Variants in ACTN1 observed in about 807,000 individuals in gnomAD.
The protein encoded by ACTN1 is alpha-actinin-1.
In ACTN1, 30 loss-of-function variants were observed where a neutral mutation model predicts 119.6. That is an observed-to-expected ratio of 0.25 (90% CI 0.19 to 0.34). The LOEUF (loss-of-function observed/expected upper bound fraction) is 0.34, where lower values mean the gene tolerates loss of function less well. ACTN1 is among the 10% of genes least tolerant of loss of function. The pLI is 1.00. For synonymous variants in ACTN1, 429 were observed against 472.6 expected (o/e 0.91, Z 1.20); for missense variants, 764 against 1,223.4 (o/e 0.62, Z 5.60).
Position 68,879,091 on chromosome 14 carries a change from CA to C in ACTN1, c.2281-23del, listed in dbSNP as rs1256282721. The C allele has an allele frequency of 6.3e-7, 1 of 1,581,384 alleles. No homozygotes were observed. The highest frequency in any genetic ancestry group is 8.6e-7 in the Non-Finnish European group (1 of 1,161,304). The stretch of plus-strand genomic sequence containing the variant: ...GATCCTGGGGCCGCGGTGCGCCAGG[CA>C]GCGAGCCATGCGGTGTCAGGGAGGT... On this transcript the variant is annotated intron_variant, in intron 18 of 21. Transcript: ENST00000394419. The surrounding 1 kb of genome is among the most constrained non-coding windows in gnomAD (Gnocchi z 4.9).
intron 1 of ACTN1, among the ~76,000 whole-genome samples, chr14:68,972,858 A>G (rs908129253): frequency 6.6e-6 from 1 of 152,222 alleles, no homozygotes; most frequent in African/African-American, 2.4e-5. Flanking sequence ...ACAGGGTTAG[A>G]TGTGCTCATG....
At chr14:68,904,789 C>T in intron 6 of ACTN1, 53 bp from the exon 7 acceptor site, 5 of 1,516,006 alleles carry the variant, frequency 3.3e-6, no homozygotes, top group Non-Finnish European at 4.6e-6. Flanking sequence ...CCACAAGTCA[C>T]TGGCTACTCC....
chr14:68,942,861 G>A (rs1406230297), intron 1 of ACTN1, among the ~76,000 whole-genome samples: 2 of 152,112 alleles, frequency 1.3e-5, no homozygotes, highest in Admixed American at 6.5e-5. Flanking sequence ...AGCAGCTGGG[G>A]ACAATCTGCA....
At chr14:68,939,598 C>T (rs1276907988) in intron 1 of ACTN1, among the ~76,000 whole-genome samples, 1 of 152,076 alleles carries the variant, frequency 6.6e-6, no homozygotes, top group South Asian at 2.1e-4. Flanking sequence ...AGACCGAAAG[C>T]GGCTTGATTA....
Position 68,885,711 on chromosome 14 carries a change from G to A in ACTN1, c.1235-136C>T, listed in dbSNP as rs1319347697. On this transcript the variant is annotated intron_variant, in intron 11 of 21. Transcript: ENST00000394419. The surrounding 1 kb of genome is among the most constrained non-coding windows in gnomAD (Gnocchi z 5.6). The stretch of plus-strand genomic sequence containing the variant: ...GGAGGTGCCCATTGTGCAGGGATCT[G>A]CAGGGTGCAAAAGCAGATGTGCAAC... 26 of 1,059,800 alleles carry A rather than the reference G, an allele frequency of 2.5e-5. No homozygotes were observed. Among genetic ancestry groups the A allele is most frequent in the African/African-American group, 3.2e-5 (2 of 62,624 alleles). 65.6% of individuals were successfully genotyped at this position (1,059,800 alleles called of 1,614,324 possible). A position where few individuals can be genotyped will look rare whatever the true frequency, so the allele number is the denominator to read the frequency against.
At chr14:68,942,358 G>T (rs2035789769) in intron 1 of ACTN1, among the ~76,000 whole-genome samples, 1 of 143,360 alleles carries the variant, frequency 7.0e-6, no homozygotes, top group South Asian at 2.3e-4. Context: ...TCCAACCTGG[G>T]AGACAGTGAG....
intron 8 of ACTN1, among the ~76,000 whole-genome samples, chr14:68,901,212 T>G (rs1201388785): frequency 9.8e-5 from 14 of 143,388 alleles, no homozygotes; most frequent in Non-Finnish European, 1.9e-4. Flanking sequence ...TTATGGTTTT[T>G]TTTTGTTTTT....
intron 1 of ACTN1, among the ~76,000 whole-genome samples, chr14:68,949,324 G>A (rs910782013): frequency 2.0e-5 from 3 of 152,220 alleles, no homozygotes; most frequent in Non-Finnish European, 4.4e-5. Flanking sequence ...GAGGTCAGGA[G>A]GAAGGAAGGG....
At chr14:68,934,984 G>A (rs1378645122) in intron 1 of ACTN1, among the ~76,000 whole-genome samples, 1 of 152,088 alleles carries the variant, frequency 6.6e-6, no homozygotes, top group Non-Finnish European at 1.5e-5. Context: ...ATTTTTTGCT[G>A]TTTTACAGTT....
chr14:68,917,806 C>T (rs2034392090), intron 3 of ACTN1, among the ~76,000 whole-genome samples: 1 of 152,258 alleles, frequency 6.6e-6, no homozygotes, highest in South Asian at 2.1e-4. Flanking sequence ...TGGCTTGCGC[C>T]TGTAATCCCA....
At chr14:68,911,287 A>G (rs978470925) in intron 4 of ACTN1, among the ~76,000 whole-genome samples, 3 of 152,220 alleles carry the variant, frequency 2.0e-5, no homozygotes, top group Non-Finnish European at 4.4e-5. Flanking sequence ...AGTCCACCCA[A>G]AAGAATCAAA....
chr14:68,921,274 AG>A (rs1201179447), intron 2 of ACTN1, 149 bp from the exon 3 acceptor site: 11 of 930,380 alleles, frequency 1.2e-5, no homozygotes, highest in South Asian at 2.2e-5. Context: ...CACGCTGCTC[AG>A]GGGCTGGAGA....
intron 8 of ACTN1, among the ~76,000 whole-genome samples, chr14:68,898,599 CCTT>C (rs1194828426): frequency 1.3e-5 from 2 of 152,148 alleles, no homozygotes; most frequent in African/African-American, 2.4e-5. Context: ...CAGCAAGAGT[CCTT>C]CTCCTCCATC....
Position 68,878,503 on chromosome 14 carries a change from G to A in ACTN1, c.2382C>T (p.Asp794=). 1 of 1,593,546 alleles carries A rather than the reference G, an allele frequency of 6.3e-7. No homozygotes were observed. The highest frequency in any genetic ancestry group is 8.6e-7 in the Non-Finnish European group (1 of 1,168,390). ...TCAGGCAGGCGCGGAAATCATCCGT[G>A]TCCATCATGCCTGTCTTCTTCTGTG... is the stretch of plus-strand genomic sequence containing the variant. The part of the protein sequence containing the change: ...NDPQKKTGMM[D]TDDFRACLIS... Residue 794 remains aspartate (D), a synonymous_variant, in exon 20 of 22, where the codon GAC becomes GAT. Coordinates refer to ENST00000394419, the MANE Select transcript of ACTN1 (RefSeq NM_001130004.2). This position sits in a 1 kb window ranked among gnomAD's most constrained non-coding sequence, Gnocchi z 4.4.
At position 68,878,350 on chromosome 14, in the gene ACTN1, G is replaced by A; in HGVS notation, c.2427+108C>T. The A allele has an allele frequency of 6.9e-7, 1 of 1,440,728 alleles. No individual in the cohort carries two copies. The highest frequency in any genetic ancestry group is 9.2e-7 in the Non-Finnish European group (1 of 1,087,998). The allele number at this position is 1,440,728 out of a possible 1,614,324, so 89.2% of individuals were successfully genotyped here. On this transcript the variant is annotated intron_variant, in intron 20 of 21. Transcript: ENST00000394419. This position sits in a 1 kb window ranked among gnomAD's most constrained non-coding sequence, Gnocchi z 4.4. ...TGGGCCCTGGGGCTCCTCCAGGGAGGGCAGCCCCTAGCCTGAGGGCCTCCA... is the reference window on the plus strand; with the variant it reads ...TGGGCCCTGGGGCTCCTCCAGGGAGAGCAGCCCCTAGCCTGAGGGCCTCCA...
intron 11 of ACTN1, chr14:68,887,775 G>A (rs573873070): frequency 1.0e-5 from 11 of 1,082,594 alleles, no homozygotes; most frequent in South Asian, 5.0e-5. Context: ...ATAAGACATG[G>A]TATATGGTAT....
Position 68,885,300 on chromosome 14 carries a change from C to A in ACTN1, c.1385+125G>T, listed in dbSNP as rs975756680. On this transcript the variant is annotated intron_variant, in intron 12 of 21. Coordinates refer to ENST00000394419, the MANE Select transcript of ACTN1 (RefSeq NM_001130004.2). The surrounding 1 kb of genome is among the most constrained non-coding windows in gnomAD (Gnocchi z 5.6). ...TTGTCTCCTGCGTTGACTCCCTCCC[C>A]ACCTGGGCACCCACCTGTACCCACC... 1.1e-5 allele frequency: 14 copies of A among 1,287,012 alleles called. No homozygotes were observed. The African/African-American group carries it at 1.3e-4, about 12-fold the overall frequency. 79.7% of individuals were successfully genotyped at this position (1,287,012 alleles called of 1,614,324 possible). A position where few individuals can be genotyped will look rare whatever the true frequency, so the allele number is the denominator to read the frequency against.
rs1481045493 is a variant in ACTN1 at position 68,880,929 on chromosome 14, G to A, written c.2014C>T (p.Arg672Trp). 9 of 1,613,924 alleles carry A rather than the reference G, an allele frequency of 5.6e-6. No individual in the cohort carries two copies. Among genetic ancestry groups the A allele is most frequent in the Admixed American group, 3.3e-5 (2 of 60,006 alleles). ...TTGACGATGCTCTTCTCATACTGCC[G>A]CAGGTGGCTGAGCTGGTCCTCCAGG... ...GTLEDQLSHL[R>W]QYEKSIVNYK... Residue 672 changes from arginine (R) to tryptophan (W), a missense_variant, in exon 17 of 22, where the codon CGG becomes TGG. Arg to Trp is a moderately radical substitution (Grantham distance 101). Transcript: ENST00000394419. This position sits in a 1 kb window ranked among gnomAD's most constrained non-coding sequence, Gnocchi z 4.6.
At position 68,885,660 on chromosome 14, in the gene ACTN1, G is replaced by T; in HGVS notation, c.1235-85C>A. The T allele has an allele frequency of 1.3e-6, 2 of 1,483,604 alleles. No individual in the cohort carries two copies. The highest frequency in any genetic ancestry group is 1.8e-6 in the Non-Finnish European group (2 of 1,098,944). 91.9% of individuals were successfully genotyped at this position (1,483,604 alleles called of 1,614,324 possible). ...CCGCCCACCCCTCAGGGCCCCAGGAGCTCCACTTCTGGGGGTGCTTCTCAA... is the reference window on the plus strand; with the variant it reads ...CCGCCCACCCCTCAGGGCCCCAGGATCTCCACTTCTGGGGGTGCTTCTCAA... On this transcript the variant is annotated intron_variant, in intron 11 of 21. Transcript: ENST00000394419. This position sits in a 1 kb window ranked among gnomAD's most constrained non-coding sequence, Gnocchi z 5.6.
Sources: gnomAD v4.1 joint callset for allele counts (sites outside exome capture counted in the v4.1 genomes callset) on GRCh38, gnomAD v4.1.1 for gene constraint, Gnocchi (gnomAD v3.1) non-coding constraint, MANE v1.5 for transcripts, NCBI Gene and HGNC (gene_info 2026-07-23, HGNC 2026-07-21) for gene names.